The following SETD1B variants were observed in gnomAD, a reference collection of about 807,000 sequenced individuals.
SETD1B encodes SET domain containing 1B, histone lysine methyltransferase.
A neutral mutation model predicts 148.0 loss-of-function variants in SETD1B; 7 were observed. That is an observed-to-expected ratio of 0.05 (90% CI 0.03 to 0.09). The LOEUF is 0.09. Ranked by LOEUF, SETD1B falls within the 10% of genes least tolerant of loss-of-function variation. SETD1B has a pLI of 1.00. For missense variants in SETD1B, 2,155 were observed against 2,729.9 expected, an observed-to-expected ratio of 0.79 and a Z score of 4.69; for synonymous variants, 1,361 against 1,186.5, an observed-to-expected ratio of 1.15 and a Z score of -3.02.
Position 121,830,313 on chromosome 12 carries a change from C to T in SETD1B, c.*74C>T. 1 of 1,426,822 alleles carries T rather than the reference C, an allele frequency of 7.0e-7. No homozygotes were observed. The highest frequency in any genetic ancestry group is 9.4e-7 in the Non-Finnish European group (1 of 1,064,126). 88.4% of individuals were successfully genotyped at this position (1,426,822 alleles called of 1,614,324 possible). A position where few individuals can be genotyped will look rare whatever the true frequency, so the allele number is the denominator to read the frequency against. ...GAGCGTGGAGCCCCTGGCCCCGGGGCCCGGCCCCCCGCGCCCGCCCCCATT... is the reference window on the plus strand; with the variant it reads ...GAGCGTGGAGCCCCTGGCCCCGGGGTCCGGCCCCCCGCGCCCGCCCCCATT... On this transcript the variant is annotated 3_prime_UTR_variant, in exon 17 of 17. Transcript: ENST00000604567. The surrounding 1 kb of genome is among the most constrained non-coding windows in gnomAD (Gnocchi z 5.7).
the SETD1B span, chr12:121,797,408 G>T: frequency 2.2e-6 from 1 of 454,082 alleles, no homozygotes; most frequent in East Asian, 7.0e-5. Context: ...GCCCTCGAGG[G>T]ACCAGCAGGA....
chr12:121,795,950 G>A, the SETD1B span: 1 of 145,790 alleles, frequency 6.9e-6, no homozygotes, highest in Non-Finnish European at 1.5e-5. Context: ...AGGCAGAACA[G>A]CTGATACTGG....
Position 121,814,563 on chromosome 12 carries a change from G to C in SETD1B, c.2348G>C (p.Ser783Thr). ...TTCCAGATGCAAACGCAGGTGCTCAGCCGGCTGATGACGGGCCAGGGCGCC... is the reference window on the plus strand; with the variant it reads ...TTCCAGATGCAAACGCAGGTGCTCACCCGGCTGATGACGGGCCAGGGCGCC... ...MSFQMQTQVL[S>T]RLMTGQGACP... is the part of the protein sequence containing the mutation. Residue 783 changes from serine to threonine, a missense_variant, in exon 7 of 17, where the codon AGC becomes ACC. Physicochemically the swap from Ser to Thr is moderately conservative, Grantham distance 58 (BLOSUM62 1). Coordinates refer to ENST00000604567, the MANE Select transcript of SETD1B (RefSeq NM_001353345.2). 6.6e-7 allele frequency: 1 copy of C among 1,504,526 alleles called. No homozygotes were observed. The highest frequency in any genetic ancestry group is 8.9e-7 in the Non-Finnish European group (1 of 1,121,854). The allele number at this position is 1,504,526 out of a possible 1,614,324, so 93.2% of individuals were successfully genotyped here.
chr12:121,821,681 G>A (rs1174614493), intron 11 of SETD1B, among the ~76,000 whole-genome samples: 2 of 151,768 alleles, frequency 1.3e-5, no homozygotes, highest in African/African-American at 4.8e-5. Context: ...AACCTGGGAG[G>A]AGGAGGTTGC....
In SETD1B at chr12:121,823,368, C is replaced by T. The variant is rs1191300644; in HGVS notation, c.4789C>T (p.Pro1597Ser). ...PPQPPPPPPPPPVEPTKLPFK... is the reference protein window; with the variant it reads ...PPQPPPPPPPSPVEPTKLPFK... ...CCAGCCACCCCCACCCCCACCTCCC[C>T]CACCTGTAGAGCCCACCAAGCTGCC... Residue 1597 changes from proline (P) to serine (S), a missense_variant, in exon 12 of 17, where the codon CCA becomes TCA. Pro to Ser is a moderately conservative substitution (Grantham distance 74). Around this residue, in one of 11 missense-constraint regions of SETD1B, gnomAD observed 862 missense variants for 873.8 expected, o/e 0.99. Transcript: ENST00000604567. 6.5e-7 allele frequency: 1 copy of T among 1,532,252 alleles called. No homozygotes were observed. 94.9% of individuals were successfully genotyped at this position (1,532,252 alleles called of 1,614,324 possible).
At position 121,805,316 on chromosome 12, in the gene SETD1B, C is replaced by T; in HGVS notation, c.273+100C>T. 1 of 1,020,844 alleles carries T rather than the reference C, an allele frequency of 9.8e-7. No homozygotes were observed. Among genetic ancestry groups the T allele is most frequent in the South Asian group, 1.5e-5 (1 of 67,400 alleles). 63.2% of individuals were successfully genotyped at this position (1,020,844 alleles called of 1,614,324 possible). On this transcript the variant is annotated intron_variant, in intron 3 of 16. Coordinates refer to ENST00000604567, the MANE Select transcript of SETD1B (RefSeq NM_001353345.2). The surrounding 1 kb of genome is among the most constrained non-coding windows in gnomAD (Gnocchi z 4.2). ...AGCCCAGCCGGATTCCCAGTTCCCG[C>T]CGTCCGGGGCCAGGGAAGTTTTGGC...
the SETD1B span, chr12:121,793,194 C>G: frequency 1.9e-6 from 3 of 1,550,880 alleles, no homozygotes; most frequent in Admixed American, 2.0e-5. Flanking sequence ...TTGCTGCCAA[C>G]GGTCACGCTG....
In SETD1B at chr12:121,805,296, A is replaced by T. The variant is rs2137542793; in HGVS notation, c.273+80A>T. Reference sequence around the variant, plus strand: ...AATAACGCCAGTCCTGACCGAGCCCAGCCGGATTCCCAGTTCCCGCCGTCC... The same window carrying T: ...AATAACGCCAGTCCTGACCGAGCCCTGCCGGATTCCCAGTTCCCGCCGTCC... On this transcript the variant is annotated intron_variant, in intron 3 of 16. Coordinates refer to ENST00000604567, the MANE Select transcript of SETD1B (RefSeq NM_001353345.2). This position sits in a 1 kb window ranked among gnomAD's most constrained non-coding sequence, Gnocchi z 4.2. The T allele has an allele frequency of 1.7e-6, 2 of 1,150,800 alleles. No individual in the cohort carries two copies. The highest frequency in any genetic ancestry group is 2.7e-5 in the South Asian group (2 of 73,562). 71.3% of individuals were successfully genotyped at this position (1,150,800 alleles called of 1,614,324 possible).
In SETD1B at chr12:121,805,232, A is replaced by T. The variant is rs1449206776; in HGVS notation, c.273+16A>T. 7 of 1,417,052 alleles carry T rather than the reference A, an allele frequency of 4.9e-6. No individual in the cohort carries two copies. The highest frequency in any genetic ancestry group is 4.8e-6 in the Non-Finnish European group (5 of 1,051,518). The allele number at this position is 1,417,052 out of a possible 1,614,324, so 87.8% of individuals were successfully genotyped here. ...CAAATTCAAGGTAGGACCCCTCCCC[A>T]CTGCCCCGCCGTCCCTCCCCCACCT... On this transcript the variant is annotated intron_variant, in intron 3 of 16. Coordinates refer to ENST00000604567, the MANE Select transcript of SETD1B (RefSeq NM_001353345.2). This position sits in a 1 kb window ranked among gnomAD's most constrained non-coding sequence, Gnocchi z 4.2.
the SETD1B span, chr12:121,797,415 AG>A: frequency 1.4e-3 from 646 of 455,132 alleles, 5 homozygotes; most frequent in African/African-American, 0.011. Flanking sequence ...AGGGACCAGC[AG>A]GAACAGCAGC....
Position 121,827,874 on chromosome 12 carries a change from A to G in SETD1B, c.5589+20A>G. 1 of 1,553,874 alleles carries G rather than the reference A, an allele frequency of 6.4e-7. No individual in the cohort carries two copies. Among genetic ancestry groups the G allele is most frequent in the South Asian group, 1.2e-5 (1 of 84,202 alleles). ...CGTCAGGTAGGCACCGCCCGGCAGG[A>G]TGGGCACCGGGGTGGGCATGGGGCC... On this transcript the variant is annotated intron_variant, in intron 15 of 16. Coordinates refer to ENST00000604567, the MANE Select transcript of SETD1B (RefSeq NM_001353345.2).
chr12:121,812,333 C>G (rs1419977106), intron 6 of SETD1B, among the ~76,000 whole-genome samples: 1 of 152,166 alleles, frequency 6.6e-6, no homozygotes, highest in Non-Finnish European at 1.5e-5. Flanking sequence ...TGAGTCCTGC[C>G]AAGTCACTTA....
rs1267004939 is a variant in SETD1B, at chr12:121,825,180, G to A, written c.5171-20G>A. 1.3e-6 allele frequency: 2 copies of A among 1,550,166 alleles called. No individual in the cohort carries two copies. The highest frequency in any genetic ancestry group is 1.7e-6 in the Non-Finnish European group (2 of 1,146,438). The stretch of plus-strand genomic sequence containing the variant: ...GAAGGGGCTCTCAGAATGTCCATGT[G>A]GCCCTTGACCCACACCCACCCACCA... On this transcript the variant is annotated intron_variant, in intron 12 of 16. Coordinates refer to ENST00000604567, the MANE Select transcript of SETD1B (RefSeq NM_001353345.2).
At chr12:121,820,831 T>C (rs1876533962) in intron 11 of SETD1B, among the ~76,000 whole-genome samples, 1 of 152,034 alleles carries the variant, frequency 6.6e-6, no homozygotes, top group Non-Finnish European at 1.5e-5. Context: ...CCATGCCCGG[T>C]CCTAGCACCT....
At position 121,832,188 on chromosome 12, in the gene SETD1B, A is replaced by C. The variant is rs1467517176; in HGVS notation, c.*1949A>C. The C allele has an allele frequency of 6.6e-6, 1 of 152,244 alleles. No individual in the cohort carries two copies. Among genetic ancestry groups the C allele is most frequent in the Non-Finnish European group, 1.5e-5 (1 of 68,084 alleles). The allele number at this position is 152,244 out of a possible 1,614,324, so 9.4% of individuals were successfully genotyped here. A position where few individuals can be genotyped will look rare whatever the true frequency, so the allele number is the denominator to read the frequency against. ...ATAAAAGAAGTGGGGGTGTTCGAGA[A>C]GACCAGGGAAGGGACCCTTGCCTCA... On this transcript the variant is annotated 3_prime_UTR_variant, in exon 17 of 17. Transcript: ENST00000604567.
At position 121,817,043 on chromosome 12, in the gene SETD1B, C is replaced by G. The variant is rs1235707706; in HGVS notation, c.2726C>G (p.Thr909Ser). 6.6e-7 allele frequency: 1 copy of G among 1,526,412 alleles called. No homozygotes were observed. Among genetic ancestry groups the G allele is most frequent in the Admixed American group, 2.0e-5 (1 of 49,370 alleles). 94.6% of individuals were successfully genotyped at this position (1,526,412 alleles called of 1,614,324 possible). A position where few individuals can be genotyped will look rare whatever the true frequency, so the allele number is the denominator to read the frequency against. ...CTGTCTCCACCCCAGGCCTCGCTGA[C>G]CCCGGTGAAGTCGGGCGAGCACAAG... Reference protein sequence around the residue: ...KKERMAKASLTPVKSGEHKDE... With the variant: ...KKERMAKASLSPVKSGEHKDE... Residue 909 changes from threonine (T) to serine (S), a missense_variant, in exon 8 of 17, where the codon ACC becomes AGC. Thr to Ser is a moderately conservative substitution (Grantham distance 58). Coordinates refer to ENST00000604567, the MANE Select transcript of SETD1B (RefSeq NM_001353345.2). The surrounding 1 kb of genome is among the most constrained non-coding windows in gnomAD (Gnocchi z 8.1).
chr12:121,829,321 G>A (rs1403737039), intron 16 of SETD1B, among the ~76,000 whole-genome samples: 2 of 152,184 alleles, frequency 1.3e-5, no homozygotes, highest in Admixed American at 6.5e-5. Flanking sequence ...GTGGCTGGTG[G>A]CCCCAGAAGT....
Position 121,814,706 on chromosome 12 carries a change from G to A in SETD1B, c.2491G>A (p.Gly831Arg), listed in dbSNP as rs1332887731. Reference sequence around the variant, plus strand: ...CCTGAGCAACTCCGGCCCAGGCCGCGGGCAGCACTGGCCACCACTGCCCAA... The same window carrying A: ...CCTGAGCAACTCCGGCCCAGGCCGCAGGCAGCACTGGCCACCACTGCCCAA... Reference protein sequence around the residue: ...FSLSNSGPGRGQHWPPLPKFD... With the variant: ...FSLSNSGPGRRQHWPPLPKFD... Residue 831 changes from glycine to arginine, a missense_variant, in exon 7 of 17, where the codon GGG (glycine) becomes AGG (arginine). Around this residue, in one of 11 missense-constraint regions of SETD1B, gnomAD observed 289 missense variants for 423.7 expected, o/e 0.68. Transcript: ENST00000604567. The A allele has an allele frequency of 5.8e-6, 9 of 1,550,630 alleles. No homozygotes were observed. Among genetic ancestry groups the A allele is most frequent in the East Asian group, 2.4e-5 (1 of 40,852 alleles).
chr12:121,818,400 T>A (rs1177465924), intron 10 of SETD1B, among the ~76,000 whole-genome samples: 1 of 151,530 alleles, frequency 6.6e-6, no homozygotes, highest in African/African-American at 2.4e-5. Context: ...CCGTCTCTAC[T>A]AAAAATGCAA....
Sources: gnomAD v4.1 joint callset for allele counts (sites outside exome capture counted in the v4.1 genomes callset) on GRCh38, gnomAD v4.1.1 for gene constraint, gnomAD v4.1.1 regional missense constraint, Gnocchi (gnomAD v3.1) non-coding constraint, MANE v1.5 for transcripts, NCBI Gene and HGNC (gene_info 2026-07-23, HGNC 2026-07-21) for gene names.